The following CDH19 variants were observed in gnomAD, a reference collection of about 807,000 sequenced individuals.
The protein encoded by CDH19 is cadherin-19.
Under a neutral mutation model 64.2 loss-of-function variants are expected in CDH19, and 67 were observed. The observed-to-expected ratio is 1.04, with a 90% CI of 0.86 to 1.28. The LOEUF (loss-of-function observed/expected upper bound fraction) is 1.28, where lower values mean the gene tolerates loss of function less well. CDH19 is among the 50% of genes most tolerant of loss of function. The pLI is 0.00. For synonymous variants in CDH19, 346 were observed against 319.3 expected (o/e 1.08, Z -0.89); for missense variants, 1,030 against 929.0 (o/e 1.11, Z -1.41).
chr18:66,588,099 T>C (rs754150722), intron 1 of CDH19, among the ~76,000 whole-genome samples: 8 of 152,128 alleles, frequency 5.3e-5, no homozygotes, highest in Non-Finnish European at 1.2e-4. Flanking sequence ...ATTCCCCCCA[T>C]GTCTGCATGG....
intron 7 of CDH19, among the ~76,000 whole-genome samples, chr18:66,535,329 G>T (rs1165275591): frequency 1.3e-5 from 2 of 151,432 alleles, no homozygotes; most frequent in African/African-American, 2.4e-5. Flanking sequence ...ATTGATGGAT[G>T]CTAAATCTAA....
intron 9 of CDH19, among the ~76,000 whole-genome samples, chr18:66,524,569 T>TATATATATATATATATATATAG (rs1276593665): frequency 1.5e-5 from 2 of 135,164 alleles, no homozygotes; most frequent in African/African-American, 2.6e-5. Flanking sequence ...TATATATATA[T>TATATATATATATATATATATAG]AAACATCATC....
At chr18:66,584,597 A>G (rs1265120115) in intron 1 of CDH19, among the ~76,000 whole-genome samples, 1 of 152,112 alleles carries the variant, frequency 6.6e-6, no homozygotes, top group Non-Finnish European at 1.5e-5. Flanking sequence ...CCATAAAGGT[A>G]CACGAATGCT....
At chr18:66,525,369 G>A (rs532407525) in intron 9 of CDH19, among the ~76,000 whole-genome samples, 1 of 152,078 alleles carries the variant, frequency 6.6e-6, no homozygotes, top group South Asian at 2.1e-4. Flanking sequence ...TTTAGAGATT[G>A]CTTCATTGGT....
chr18:66,553,179 G>C (rs1261927940), intron 4 of CDH19, among the ~76,000 whole-genome samples: 2 of 134,286 alleles, frequency 1.5e-5, no homozygotes, highest in East Asian at 1.9e-4. Context: ...TAAGTTCCAA[G>C]AAAGAAGAGT....
intron 7 of CDH19, among the ~76,000 whole-genome samples, chr18:66,539,353 T>C (rs1003867970): frequency 1.1e-4 from 16 of 152,120 alleles, no homozygotes; most frequent in African/African-American, 3.6e-4. Context: ...TTTCCAATCT[T>C]AGGAAAAAAG....
At chr18:66,528,690 A>C (rs889302626) in intron 9 of CDH19, among the ~76,000 whole-genome samples, 2 of 152,116 alleles carry the variant, frequency 1.3e-5, no homozygotes, top group Non-Finnish European at 2.9e-5. Context: ...TTGCAGTTTA[A>C]TAATCAGTAA....
rs2083766621 is a variant in CDH19 at position 66,501,727 on chromosome 18, A to G, written c.*3085T>C. On this transcript the variant is annotated 3_prime_UTR_variant, in exon 12 of 12. Coordinates refer to ENST00000262150, the MANE Select transcript of CDH19 (RefSeq NM_021153.4). ...GCACTATTGGTGCTGCTGGTTTTAC[A>G]TATCTTATTATTAATTCTTCATAAC... 1 of 152,142 alleles carries G rather than the reference A, an allele frequency of 6.6e-6. No individual in the cohort carries two copies. The highest frequency in any genetic ancestry group is 2.4e-5 in the African/African-American group (1 of 41,448). The allele number at this position is 152,142 out of a possible 1,614,324, so 9.4% of individuals were successfully genotyped here.
At chr18:66,534,329 T>C (rs984571714) in intron 8 of CDH19, among the ~76,000 whole-genome samples, 1 of 151,916 alleles carries the variant, frequency 6.6e-6, no homozygotes, top group East Asian at 1.9e-4. Context: ...GCAAATAATA[T>C]GCGGAGATGC....
At chr18:66,555,290 C>T (rs1266529988) in intron 3 of CDH19, among the ~76,000 whole-genome samples, 1 of 151,620 alleles carries the variant, frequency 6.6e-6, no homozygotes, top group Non-Finnish European at 1.5e-5. Context: ...TTTGTTGAAA[C>T]ACTGTTTACT....
intron 3 of CDH19, among the ~76,000 whole-genome samples, chr18:66,559,377 C>A (rs1453851478): frequency 1.3e-5 from 2 of 151,802 alleles, no homozygotes; most frequent in Admixed American, 6.6e-5. Flanking sequence ...AGAGTTAAAA[C>A]TTTTCCTCTG....
intron 8 of CDH19, among the ~76,000 whole-genome samples, chr18:66,534,331 C>T (rs1019528920): frequency 4.0e-5 from 6 of 151,782 alleles, no homozygotes; most frequent in South Asian, 4.1e-4. Flanking sequence ...AAATAATATG[C>T]GGAGATGCCT....
intron 1 of CDH19, among the ~76,000 whole-genome samples, chr18:66,581,342 G>T (rs1988415807): frequency 6.6e-6 from 1 of 152,060 alleles, no homozygotes; most frequent in Non-Finnish European, 1.5e-5. Flanking sequence ...AAAATTGCGA[G>T]TATGTTTGTG....
intron 1 of CDH19, among the ~76,000 whole-genome samples, chr18:66,602,197 T>TC: frequency 6.6e-6 from 1 of 152,122 alleles, no homozygotes; most frequent in East Asian, 1.9e-4. Context: ...ACACATTTAT[T>TC]CCTAATGCAT....
At chr18:66,528,364 T>C (rs139869700) in intron 9 of CDH19, among the ~76,000 whole-genome samples, 1,777 of 152,246 alleles carry the variant, frequency 0.012, 24 homozygotes, top group African/African-American at 0.041. Flanking sequence ...TTCTACCCTA[T>C]ACTGTACGCC....
intron 1 of CDH19, among the ~76,000 whole-genome samples, chr18:66,588,096 C>T (rs540438875): frequency 6.6e-6 from 1 of 152,138 alleles, no homozygotes; most frequent in Non-Finnish European, 1.5e-5. Flanking sequence ...CACATTCCCC[C>T]CATGTCTGCA....
At chr18:66,515,816 C>G (rs1030799953) in intron 9 of CDH19, among the ~76,000 whole-genome samples, 1 of 151,690 alleles carries the variant, frequency 6.6e-6, no homozygotes, top group African/African-American at 2.4e-5. Flanking sequence ...TAAAATATCT[C>G]ATTAGTATCT....
intron 9 of CDH19, among the ~76,000 whole-genome samples, chr18:66,529,348 A>C (rs1474635546): frequency 6.6e-6 from 1 of 151,494 alleles, no homozygotes; most frequent in Non-Finnish European, 1.5e-5. Context: ...AAAAACTTAA[A>C]TGTGACTAAC....
chr18:66,542,837 G>A (rs1013131214), intron 7 of CDH19, among the ~76,000 whole-genome samples: 3 of 152,134 alleles, frequency 2.0e-5, no homozygotes, highest in Admixed American at 6.5e-5. Flanking sequence ...ACCTCCTTAT[G>A]AGAATCCAAT....
Sources: gnomAD v4.1 joint callset for allele counts (sites outside exome capture counted in the v4.1 genomes callset) on GRCh38, gnomAD v4.1.1 for gene constraint, MANE v1.5 for transcripts, NCBI Gene and HGNC (gene_info 2026-07-23, HGNC 2026-07-21) for gene names.